UBE2H: variants seen among roughly 807,000 people sequenced by gnomAD.
UBE2H encodes the protein ubiquitin-conjugating enzyme E2 H.
UBE2H carries 3 observed loss-of-function variants against 29.0 expected under a neutral mutation model. The observed-to-expected ratio is 0.10, with a 90% CI of 0.05 to 0.27. The LOEUF (loss-of-function observed/expected upper bound fraction) is 0.27. UBE2H is among the 10% of genes least tolerant of loss of function. The pLI, the probability that UBE2H is intolerant of heterozygous loss-of-function variation, is 1.00. For synonymous variants in UBE2H, 69 were observed against 82.9 expected, an observed-to-expected ratio of 0.83 and a Z score of 0.91; for missense variants, 68 against 228.2, an observed-to-expected ratio of 0.30 and a Z score of 4.52.
intron 3 of UBE2H, among the ~76,000 whole-genome samples, chr7:129,876,851 T>TA (rs555209096): frequency 1.1e-3 from 170 of 152,360 alleles, no homozygotes; most frequent in African/African-American, 3.7e-3. Flanking sequence ...CACTCATTTA[T>TA]AGATGCAAAT....
chr7:129,946,414 G>A (rs1807766853), intron 1 of UBE2H, among the ~76,000 whole-genome samples: 1 of 152,130 alleles, frequency 6.6e-6, no homozygotes, highest in Non-Finnish European at 1.5e-5. Flanking sequence ...AGCAAAAACA[G>A]GGCAGACACA....
intron 5 of UBE2H, among the ~76,000 whole-genome samples, chr7:129,842,256 C>T (rs1369850995): frequency 6.6e-6 from 1 of 152,086 alleles, no homozygotes; most frequent in Admixed American, 6.5e-5. Context: ...CATGGCAAAA[C>T]CCTGTCCCTA....
intron 1 of UBE2H, among the ~76,000 whole-genome samples, chr7:129,905,789 G>A (rs1806803973): frequency 6.6e-6 from 1 of 152,170 alleles, no homozygotes; most frequent in Admixed American, 6.5e-5. Context: ...AGGAATAAGA[G>A]AGGGCCTAAG....
intron 4 of UBE2H, 102 bp downstream of exon 4, chr7:129,858,800 T>G: frequency 9.2e-7 from 1 of 1,081,238 alleles, no homozygotes; most frequent in Non-Finnish European, 1.4e-6. Flanking sequence ...TCCTACCTCC[T>G]GATAAGGTCC....
chr7:129,944,665 G>A (rs1434076078), intron 1 of UBE2H, among the ~76,000 whole-genome samples: 1 of 151,790 alleles, frequency 6.6e-6, no homozygotes, highest in Non-Finnish European at 1.5e-5. Flanking sequence ...TCTCATCTGG[G>A]CAACAGAGTG....
intron 1 of UBE2H, among the ~76,000 whole-genome samples, chr7:129,919,507 C>A (rs531957432): frequency 3.3e-5 from 5 of 152,286 alleles, no homozygotes; most frequent in Admixed American, 6.5e-5. Flanking sequence ...CATTAAGTTT[C>A]TTGAATAATG....
Position 129,928,682 on chromosome 7 carries a change from AAAG to A in UBE2H, c.53+23818_53+23820del, listed in dbSNP as rs1473060522. Among the ~76,000 whole-genome samples the A allele has an allele frequency of 1.1e-4, 16 of 152,364 alleles. No homozygotes were observed. The East Asian group carries it at 2.9e-3, about 28-fold the overall frequency. On this transcript the variant is annotated intron_variant, in intron 1 of 6. Transcript: ENST00000355621. Reference sequence around the variant, plus strand: ...AGTGGATTTTGGATGTTCCCAACACAAAGAAGTGATAAATAAGGTGACAGATAT... The same window carrying A: ...AGTGGATTTTGGATGTTCCCAACACAAAGTGATAAATAAGGTGACAGATAT...
chr7:129,879,009 G>A (rs1806202937), intron 3 of UBE2H, among the ~76,000 whole-genome samples: 1 of 152,160 alleles, frequency 6.6e-6, no homozygotes, highest in African/African-American at 2.4e-5. Flanking sequence ...TAAGGTAAAA[G>A]GAGATGAAGG....
intron 1 of UBE2H, among the ~76,000 whole-genome samples, chr7:129,897,856 C>G (rs572889730): frequency 3.3e-5 from 5 of 152,218 alleles, no homozygotes; most frequent in African/African-American, 1.2e-4. Flanking sequence ...GATTGAAATT[C>G]TGCTTAAAAA....
intron 1 of UBE2H, among the ~76,000 whole-genome samples, chr7:129,890,309 GTATATATGTATGTATATATACGTGTGTA>G (rs1219358698): frequency 1.9e-4 from 29 of 150,844 alleles, no homozygotes; most frequent in East Asian, 5.8e-4. Flanking sequence ...ATACATACGT[GTATATATGTATGTATATATACGTGTGTA>G]TATATATGTA....
At chr7:129,879,686 T>C in intron 2 of UBE2H, 44 bp from the exon 3 acceptor site, 1 of 1,521,234 alleles carries the variant, frequency 6.6e-7, no homozygotes, top group Non-Finnish European at 9.0e-7. Context: ...CATCTCCAAA[T>C]TAGAAAATAA....
rs1806470832 is a variant in UBE2H at position 129,890,948 on chromosome 7, A to C, written c.54-9977T>G. ...AGGAGTTTGAGACCAGCCTGGCCAAAATAGTGAAACCCCGTCTCTACTAAA... is the reference window on the plus strand; with the variant it reads ...AGGAGTTTGAGACCAGCCTGGCCAACATAGTGAAACCCCGTCTCTACTAAA... On this transcript the variant is annotated intron_variant, in intron 1 of 6. Transcript: ENST00000355621. 2.0e-5 allele frequency among the ~76,000 whole-genome samples: 3 copies of C among 151,656 alleles called. No homozygotes were observed. In the South Asian group the frequency reaches 6.3e-4, roughly 32 times the overall value.
At chr7:129,911,036 G>T (rs952118054) in intron 1 of UBE2H, among the ~76,000 whole-genome samples, 4 of 152,036 alleles carry the variant, frequency 2.6e-5, no homozygotes, top group African/African-American at 9.7e-5. Flanking sequence ...AACAGTGGTG[G>T]TCGCAATGGA....
intron 1 of UBE2H, among the ~76,000 whole-genome samples, chr7:129,895,617 T>C (rs1442843816): frequency 6.6e-6 from 1 of 152,122 alleles, no homozygotes; most frequent in Non-Finnish European, 1.5e-5. Context: ...AACATCCTAC[T>C]AGGCCAGGCA....
At chr7:129,851,177 A>T (rs1563022034) in intron 5 of UBE2H, among the ~76,000 whole-genome samples, 1 of 152,220 alleles carries the variant, frequency 6.6e-6, no homozygotes, top group African/African-American at 2.4e-5. Flanking sequence ...ATAGATCACA[A>T]TGAAGAAAAC....
chr7:129,871,513 G>A (rs1026128348), intron 3 of UBE2H, among the ~76,000 whole-genome samples: 13 of 152,092 alleles, frequency 8.5e-5, no homozygotes, highest in African/African-American at 2.7e-4. Flanking sequence ...TCAGGAGTTC[G>A]ACACCAGCCT....
At chr7:129,948,000 G>A (rs901566795) in intron 1 of UBE2H, among the ~76,000 whole-genome samples, 3 of 152,022 alleles carry the variant, frequency 2.0e-5, no homozygotes, top group East Asian at 1.9e-4. Context: ...CTACAAGCCC[G>A]CACCATCACG....
At chr7:129,916,835 A>T (rs1379420293) in intron 1 of UBE2H, among the ~76,000 whole-genome samples, 1 of 152,182 alleles carries the variant, frequency 6.6e-6, no homozygotes, top group Non-Finnish European at 1.5e-5. Context: ...TAAGAGATCA[A>T]GACCATCCTG....
intron 1 of UBE2H, among the ~76,000 whole-genome samples, chr7:129,911,845 G>A (rs1036613508): frequency 3.3e-5 from 5 of 152,024 alleles, no homozygotes; most frequent in African/African-American, 1.2e-4. Flanking sequence ...GTCTTGATAT[G>A]TTGCCCAGGC....
Sources: allele counts gnomAD v4.1 joint callset (sites outside exome capture counted in the v4.1 genomes callset), GRCh38; gene constraint gnomAD v4.1.1; transcripts MANE v1.5; gene names NCBI Gene and HGNC (gene_info 2026-07-23, HGNC 2026-07-21).